The following TMEM117 variants were observed in gnomAD, a reference collection of about 807,000 sequenced individuals.
TMEM117 encodes the protein transmembrane protein 117.
In TMEM117, 27 loss-of-function variants were observed where a neutral mutation model predicts 52.4. That is an observed-to-expected ratio of 0.51 (90% CI 0.38 to 0.71). The LOEUF (loss-of-function observed/expected upper bound fraction) is 0.71, where lower values mean the gene tolerates loss of function less well. TMEM117 is among the 30% of genes least tolerant of loss of function. The probability of loss-of-function intolerance (pLI) is 0.00; values close to 1 mark genes in which losing one functional copy is unlikely to be tolerated. For missense variants in TMEM117, 556 were observed against 630.5 expected (o/e 0.88, Z 1.26); for synonymous variants, 215 against 206.3 (o/e 1.04, Z -0.36).
chr12:43,870,922 T>C (rs1001964201), intron 2 of TMEM117, among the ~76,000 whole-genome samples: 1 of 151,592 alleles, frequency 6.6e-6, no homozygotes, highest in African/African-American at 2.4e-5. Context: ...GTAGCTGAGA[T>C]TACAGGCACC....
At chr12:43,835,217 T>C (rs1943008365), upstream of TMEM117, among the ~76,000 whole-genome samples, 1 of 152,154 alleles carries the variant, frequency 6.6e-6, no homozygotes, top group African/African-American at 2.4e-5. Flanking sequence ...GAAAGGAGGT[T>C]ACATTCAGGA....
At chr12:44,072,128 C>A (rs907659733) in intron 3 of TMEM117, among the ~76,000 whole-genome samples, 2 of 152,052 alleles carry the variant, frequency 1.3e-5, no homozygotes, top group African/African-American at 4.8e-5. Context: ...GAGACTTTTT[C>A]CCATTTATTC....
intron 3 of TMEM117, among the ~76,000 whole-genome samples, chr12:43,969,132 CA>C (rs1192226368): frequency 2.0e-5 from 3 of 151,818 alleles, no homozygotes; most frequent in Non-Finnish European, 4.4e-5. Context: ...GTAGAAAATG[CA>C]CTTTAATTGC....
At chr12:44,069,671 G>A (rs922344199) in intron 3 of TMEM117, among the ~76,000 whole-genome samples, 3 of 152,122 alleles carry the variant, frequency 2.0e-5, no homozygotes, top group African/African-American at 7.2e-5. Context: ...AAGCAGAGGA[G>A]GAACATGATC....
intron 2 of TMEM117, among the ~76,000 whole-genome samples, chr12:43,923,511 A>G (rs1944728414): frequency 6.6e-6 from 1 of 152,168 alleles, no homozygotes; most frequent in Non-Finnish European, 1.5e-5. Context: ...GTGTGTTACA[A>G]TGAGTCAGTA....
chr12:43,994,767 T>A (rs921895022), intron 3 of TMEM117, among the ~76,000 whole-genome samples: 6 of 152,132 alleles, frequency 3.9e-5, no homozygotes, highest in African/African-American at 1.4e-4. Flanking sequence ...TTATTTAACA[T>A]ATTATGTTTG....
In TMEM117 at chr12:44,330,743, T is replaced by A. The variant is rs1951258559; in HGVS notation, c.768+31004T>A. Among the ~76,000 whole-genome samples, 5 of 152,136 alleles carry A rather than the reference T, an allele frequency of 3.3e-5. No homozygotes were observed. The South Asian group carries it at 1.0e-3, about 32-fold the overall frequency. Reference sequence around the variant, plus strand: ...GGCAAAAACAACCAATGATCATATGTGATTTGCAGAAATCCTATGTCCATA... The same window carrying A: ...GGCAAAAACAACCAATGATCATATGAGATTTGCAGAAATCCTATGTCCATA... On this transcript the variant is annotated intron_variant, in intron 6 of 7. Transcript: ENST00000266534.
intron 3 of TMEM117, among the ~76,000 whole-genome samples, chr12:43,964,410 ATCTCTTTCCTAAAATT>A (rs1275702622): frequency 1.3e-5 from 2 of 152,064 alleles, no homozygotes; most frequent in African/African-American, 4.8e-5. Flanking sequence ...ATACTTCCTG[ATCTCTTTCCTAAAATT>A]TCTCTTTCCT....
intron 3 of TMEM117, among the ~76,000 whole-genome samples, chr12:44,033,660 G>A (rs1051326417): frequency 6.6e-6 from 1 of 152,154 alleles, no homozygotes; most frequent in African/African-American, 2.4e-5. Context: ...CCTCAATGAT[G>A]GTCATCAGGC....
chr12:44,218,946 G>A (rs1186868403), intron 5 of TMEM117, among the ~76,000 whole-genome samples: 1 of 152,128 alleles, frequency 6.6e-6, no homozygotes, highest in Admixed American at 6.5e-5. Flanking sequence ...GGAATCCAGT[G>A]TGGGCAGAGC....
the TMEM117 span, chr12:43,806,474 T>C: frequency 1.1e-6 from 1 of 887,840 alleles, no homozygotes; most frequent in African/African-American, 1.8e-5. Context: ...CCTAGTTCTC[T>C]GCTTGGGGTC....
At chr12:44,392,698 G>A (rs1233070007), downstream of TMEM117, among the ~76,000 whole-genome samples, 1 of 126,346 alleles carries the variant, frequency 7.9e-6, no homozygotes, top group African/African-American at 3.1e-5. Flanking sequence ...GACAGGCCCC[G>A]GGGTGTGATG....
rs138727286 is a variant in TMEM117 at position 44,104,094 on chromosome 12, C to T, written c.411-39431C>T. 3.4e-3 allele frequency among the ~76,000 whole-genome samples: 517 copies of T among 152,048 alleles called. 3 individuals carry two copies. Among genetic ancestry groups the T allele is most frequent in the East Asian group, 0.014 (71 of 5,156 alleles). On this transcript the variant is annotated intron_variant, in intron 3 of 7. Transcript: ENST00000266534. ...CATTATAAGCAAGATATGGAGTTAACAGTTTGTAAATGATCACTCATTACT... is the reference window on the plus strand; with the variant it reads ...CATTATAAGCAAGATATGGAGTTAATAGTTTGTAAATGATCACTCATTACT...
intron 4 of TMEM117, among the ~76,000 whole-genome samples, chr12:44,148,868 G>C (rs1354612258): frequency 6.6e-6 from 1 of 152,030 alleles, no homozygotes; most frequent in Non-Finnish European, 1.5e-5. Flanking sequence ...GTTCAGTTTT[G>C]TGACTTATTA....
chr12:43,892,971 T>C (rs1219017010), intron 2 of TMEM117, among the ~76,000 whole-genome samples: 1 of 152,128 alleles, frequency 6.6e-6, no homozygotes, highest in African/African-American at 2.4e-5. Flanking sequence ...GCAGAAGGAA[T>C]AGCAAGTGAA....
rs57010788 is a variant in TMEM117 at position 43,857,327 on chromosome 12, T to TTA, written c.277+12399_277+12400insTA. Among the ~76,000 whole-genome samples the TTA allele has an allele frequency of 1.2e-4, 17 of 142,310 alleles. No individual in the cohort carries two copies. The South Asian group carries it at 2.3e-3, about 19-fold the overall frequency. The allele number at this position is 142,310 out of a possible 152,430, so 93.4% of individuals were successfully genotyped here. On this transcript the variant is annotated intron_variant, in intron 2 of 7. Coordinates refer to ENST00000266534, the MANE Select transcript of TMEM117 (RefSeq NM_032256.3). ...CTTTCTAGGTACTTTTTTTTTTTTTTATTGTACTTGATACAAATGAGTCAT... is the reference window on the plus strand; with the variant it reads ...CTTTCTAGGTACTTTTTTTTTTTTTTTAATTGTACTTGATACAAATGAGTCAT...
At chr12:44,139,111 G>A (rs1948534021) in intron 3 of TMEM117, among the ~76,000 whole-genome samples, 1 of 152,084 alleles carries the variant, frequency 6.6e-6, no homozygotes. Flanking sequence ...TCCAAACATG[G>A]CTGAGAGAGA....
chr12:44,102,905 A>G (rs1015271158), intron 3 of TMEM117, among the ~76,000 whole-genome samples: 1 of 151,964 alleles, frequency 6.6e-6, no homozygotes, highest in Non-Finnish European at 1.5e-5. Flanking sequence ...TGATGGTTTT[A>G]TAAGGAGATT....
At chr12:43,990,866 T>C (rs990968127) in intron 3 of TMEM117, among the ~76,000 whole-genome samples, 2 of 152,232 alleles carry the variant, frequency 1.3e-5, no homozygotes, top group African/African-American at 2.4e-5. Context: ...CCTTGGAATA[T>C]ATCCCTAATT....
Sources: allele counts gnomAD v4.1 joint callset (sites outside exome capture counted in the v4.1 genomes callset), GRCh38; gene constraint gnomAD v4.1.1; transcripts MANE v1.5; gene names NCBI Gene and HGNC (gene_info 2026-07-23, HGNC 2026-07-21).